The following ZNF318 variants were observed in gnomAD, a reference collection of about 807,000 sequenced individuals.
ZNF318 encodes zinc finger protein 318.
Under a neutral mutation model 124.2 loss-of-function variants are expected in ZNF318, and 51 were observed. The observed-to-expected ratio is 0.41, with a 90% confidence interval of 0.33 to 0.52. ZNF318 has a LOEUF of 0.52. ZNF318 is among the 20% of genes least tolerant of loss of function. The pLI is 0.23. For missense variants in ZNF318, 2,815 were observed against 2,811.2 expected (o/e 1.00, Z -0.03); for synonymous variants, 1,090 against 1,040.7 (o/e 1.05, Z -0.91).
intron 2 of ZNF318, chr6:43,363,718 C>A: frequency 1.8e-6 from 1 of 564,808 alleles, no homozygotes; most frequent in Non-Finnish European, 3.1e-6. Flanking sequence ...GGGGGCCTCT[C>A]TCAAGGATGA....
intron 1 of ZNF318, among the ~76,000 whole-genome samples, chr6:43,368,476 T>G (rs1214107696): frequency 1.3e-5 from 2 of 152,000 alleles, no homozygotes; most frequent in Non-Finnish European, 2.9e-5. Flanking sequence ...GCAGCTCCAA[T>G]TCATTTAAGC....
chr6:43,368,933 G>GA (rs1310656229), intron 1 of ZNF318, 34 bp downstream of exon 1: 9 of 1,347,824 alleles, frequency 6.7e-6, no homozygotes, highest in Non-Finnish European at 8.6e-6. Flanking sequence ...GGGACTGGGG[G>GA]ATGGAGGGAG....
chr6:43,340,417 C>T lies in ZNF318; in HGVS notation c.3581G>A (p.Arg1194Gln), dbSNP rs767059146. The change falls in exon 10 of 10, where the codon CGG becomes CAG. Residue 1194 changes from arginine (R) to glutamine (Q), a missense_variant. Around this residue, in one of 4 missense-constraint regions of ZNF318, gnomAD observed 500 missense variants for 605.2 expected, o/e 0.83. Transcript: ENST00000361428. ...GCGCTTTAGCTCACTCTGCCGTCGC[C>T]GTTCTGTCTCTAGGACCACAGCCAA... ...AGLAVVLETE[R>Q]RRQSELKRKL... 38 of 1,614,098 alleles carry T rather than the reference C, an allele frequency of 2.4e-5. No homozygotes were observed. The highest frequency in any genetic ancestry group is 3.0e-5 in the Non-Finnish European group (35 of 1,180,030).
At position 43,352,377 on chromosome 6, in the gene ZNF318, CTTG is replaced by C; in HGVS notation, c.2767_2769del (p.Gln923del). The C allele has an allele frequency of 6.2e-7, 1 of 1,613,500 alleles. No individual in the cohort carries two copies. The highest frequency in any genetic ancestry group is 8.5e-7 in the Non-Finnish European group (1 of 1,179,716). ...GGCAGTCATGCAAAGCAGCTGATAC[CTTG>C]TTGTTTATGAAGCCGCTCTAACTCG... On this transcript the variant is annotated inframe_deletion and splice_region_variant, in exon 5 of 10. Coordinates refer to ENST00000361428, the MANE Select transcript of ZNF318 (RefSeq NM_014345.3).
In ZNF318 at chr6:43,352,596, C is replaced by T. The variant is rs909444604; in HGVS notation, c.2671-120G>A. 8 of 831,130 alleles carry T rather than the reference C, an allele frequency of 9.6e-6. No homozygotes were observed. The East Asian group carries it at 1.9e-4, about 19-fold the overall frequency. The allele number at this position is 831,130 out of a possible 1,614,324, so 51.5% of individuals were successfully genotyped here. A position where few individuals can be genotyped will look rare whatever the true frequency, so the allele number is the denominator to read the frequency against. ...ATGTAAGGATCCAAATGCCTGCACA[C>T]AGGCTCTGACCTTACTGTCAAAGTA... On this transcript the variant is annotated intron_variant, in intron 4 of 9. Transcript: ENST00000361428.
chr6:43,357,594 G>T lies in ZNF318; in HGVS notation c.720C>A (p.Ile240=), dbSNP rs752237353. Residue 240 remains isoleucine (I), a synonymous_variant, in exon 3 of 10, where the codon ATC becomes ATA. Coordinates refer to ENST00000361428, the MANE Select transcript of ZNF318 (RefSeq NM_014345.3). ...FLHRSDYSPH[I]SCHDELLRGT... ...CCCGCAACAGCTCATCATGACAACT[G>T]ATATGGGGACTATAATCAGATCGAT... The T allele has an allele frequency of 6.8e-6, 11 of 1,614,024 alleles. No homozygotes were observed. In the East Asian group the frequency reaches 1.8e-4, roughly 26 times the overall value.
chr6:43,342,474 T>C (rs779672136), intron 7 of ZNF318, among the ~76,000 whole-genome samples: 10 of 152,156 alleles, frequency 6.6e-5, no homozygotes, highest in African/African-American at 9.7e-5. Flanking sequence ...CTTACACTTG[T>C]CATGGTGTTT....
At position 43,365,354 on chromosome 6, in the gene ZNF318, T is replaced by A. The variant is rs1038378855; in HGVS notation, c.486A>T (p.Pro162=). 2 of 1,614,116 alleles carry A rather than the reference T, an allele frequency of 1.2e-6. No individual in the cohort carries two copies. Among genetic ancestry groups the A allele is most frequent in the African/African-American group, 2.7e-5 (2 of 74,948 alleles). ...VGNDHFCVST[P]ERRRLSDRLG... is the part of the protein sequence containing the mutation. ...GCCGATCACTAAGCCGTCGCCGTTC[T>A]GGTGTGCTAACACAGAAGTGGTCAT... The change falls in exon 2 of 10, where the codon CCA becomes CCT. Residue 162 remains proline (P), a synonymous_variant. Coordinates refer to ENST00000361428, the MANE Select transcript of ZNF318 (RefSeq NM_014345.3).
At position 43,369,536 on chromosome 6, in the gene ZNF318, G is replaced by A. The variant is rs1562139089; in HGVS notation, c.-171C>T. On this transcript the variant is annotated 5_prime_UTR_variant, in exon 1 of 10. Transcript: ENST00000361428. ...CCCGCGTCGCCCCGGGGGCCCGGCC[G>A]AGCGCGCCCCCGCGGCTGGCGGTTG... The A allele has an allele frequency of 3.3e-6, 1 of 302,994 alleles. No individual in the cohort carries two copies. Among genetic ancestry groups the A allele is most frequent in the Non-Finnish European group, 4.8e-6 (1 of 206,332 alleles). The allele number at this position is 302,994 out of a possible 1,614,324, so 18.8% of individuals were successfully genotyped here. A position where few individuals can be genotyped will look rare whatever the true frequency, so the allele number is the denominator to read the frequency against.
At chr6:43,361,394 A>G (rs1296416505) in intron 2 of ZNF318, among the ~76,000 whole-genome samples, 5 of 152,156 alleles carry the variant, frequency 3.3e-5, no homozygotes, top group African/African-American at 7.2e-5. Flanking sequence ...TAGAAACCCA[A>G]TTTCTAAAAA....
chr6:43,360,318 T>C (rs137876576), intron 2 of ZNF318, among the ~76,000 whole-genome samples: 7 of 152,334 alleles, frequency 4.6e-5, no homozygotes, highest in South Asian at 2.1e-4. Context: ...AGAAATCAGG[T>C]TGCTTATTAG....
At chr6:43,346,524 C>CAAAAAAAAAA (rs59587962) in intron 6 of ZNF318, among the ~76,000 whole-genome samples, 4 of 104,580 alleles carry the variant, frequency 3.8e-5, no homozygotes, top group Non-Finnish European at 7.6e-5. Flanking sequence ...CATCTTTAAC[C>CAAAAAAAAAA]AAAAAAAAAA....
Position 43,340,014 on chromosome 6 carries a change from A to G in ZNF318, c.3984T>C (p.Thr1328=). 1 of 1,614,240 alleles carries G rather than the reference A, an allele frequency of 6.2e-7. No individual in the cohort carries two copies. The highest frequency in any genetic ancestry group is 8.5e-7 in the Non-Finnish European group (1 of 1,180,048). The change falls in exon 10 of 10, where the codon ACT becomes ACC. Residue 1328 remains threonine, a synonymous_variant. Coordinates refer to ENST00000361428, the MANE Select transcript of ZNF318 (RefSeq NM_014345.3). Reference sequence around the variant, plus strand: ...TCCAAGGGCTGGTATGTGCAACAACAGTTTTCCCAGAGAGCTTGATTTTGA... The same window carrying G: ...TCCAAGGGCTGGTATGTGCAACAACGGTTTTCCCAGAGAGCTTGATTTTGA... ...KPIKIKLSGK[T]VVAHTSPWMP... is the part of the protein sequence containing the mutation.
chr6:43,342,230 G>C lies in ZNF318; in HGVS notation c.3277-19C>G, dbSNP rs995752750. 23 of 1,585,176 alleles carry C rather than the reference G, an allele frequency of 1.5e-5. No homozygotes were observed. The highest frequency in any genetic ancestry group is 4.1e-5 in the African/African-American group (3 of 73,808). On this transcript the variant is annotated intron_variant, in intron 7 of 9. Transcript: ENST00000361428. ...CCAGTGTCTATTTGTAAGAGGCAGA[G>C]GTGCTCACACAACAGCACTAAAAGC...
chr6:43,363,462 G>A (rs1779712306), intron 2 of ZNF318: 1 of 189,872 alleles, frequency 5.3e-6, no homozygotes, highest in Non-Finnish European at 1.1e-5. Flanking sequence ...CGGTGGAGGG[G>A]GTGGGGCGGG....
At chr6:43,360,756 A>G (rs1227687856) in intron 2 of ZNF318, among the ~76,000 whole-genome samples, 1 of 152,264 alleles carries the variant, frequency 6.6e-6, no homozygotes, top group Non-Finnish European at 1.5e-5. Flanking sequence ...ATAAAATATT[A>G]TCAGCAATAA....
chr6:43,363,970 GGCTA>G (rs1779723549), intron 2 of ZNF318: 1 of 683,140 alleles, frequency 1.5e-6, no homozygotes, highest in Non-Finnish European at 2.6e-6. Context: ...CAAGGTGACA[GGCTA>G]CTGCGGCTCT....
chr6:43,350,988 T>A (rs1283431760), intron 5 of ZNF318, among the ~76,000 whole-genome samples: 1 of 152,158 alleles, frequency 6.6e-6, no homozygotes, highest in Non-Finnish European at 1.5e-5. Flanking sequence ...AACTTTATAG[T>A]GGAGAAATCT....
chr6:43,351,464 T>C (rs778540908), intron 5 of ZNF318, among the ~76,000 whole-genome samples: 31 of 152,082 alleles, frequency 2.0e-4, no homozygotes, highest in Non-Finnish European at 4.0e-4. Flanking sequence ...CAAGTTACTT[T>C]AAAAAGTTCA....
Sources: allele counts gnomAD v4.1 joint callset (sites outside exome capture counted in the v4.1 genomes callset), GRCh38; gene constraint gnomAD v4.1.1; regional missense constraint gnomAD v4.1.1; transcripts MANE v1.5; gene names NCBI Gene and HGNC (gene_info 2026-07-23, HGNC 2026-07-21).